The following HSD17B11 variants were observed in gnomAD, a reference collection of about 807,000 sequenced individuals.
The protein encoded by HSD17B11 is hydroxysteroid 17-beta dehydrogenase 11, also known as estradiol 17-beta-dehydrogenase 11.
Under a neutral mutation model 27.8 loss-of-function variants are expected in HSD17B11, and 22 were observed. The observed-to-expected ratio is 0.79, with a 90% CI of 0.56 to 1.13. The LOEUF (loss-of-function observed/expected upper bound fraction) is 1.13, where lower values mean the gene tolerates loss of function less well. Among genes scored for constraint, HSD17B11 ranks in the 50% most tolerant of loss-of-function variants. The probability of loss-of-function intolerance (pLI) is 0.00; values close to 1 mark genes in which losing one functional copy is unlikely to be tolerated. For synonymous variants in HSD17B11, 117 were observed against 132.8 expected (o/e 0.88, Z 0.82); for missense variants, 314 against 351.1 (o/e 0.89, Z 0.84).
chr4:87,366,882 A>G (rs1735621655), intron 4 of HSD17B11, among the ~76,000 whole-genome samples: 1 of 152,246 alleles, frequency 6.6e-6, no homozygotes, highest in Admixed American at 6.5e-5. Context: ...AATAACAAGT[A>G]GAACAGGAGT....
At chr4:87,381,514 T>C (rs1242183284) in intron 2 of HSD17B11, among the ~76,000 whole-genome samples, 3 of 152,152 alleles carry the variant, frequency 2.0e-5, no homozygotes, top group Admixed American at 2.0e-4. Flanking sequence ...TCCCAGGACT[T>C]TGGGAGGCTG....
At chr4:87,385,114 G>A (rs997183195) in intron 1 of HSD17B11, among the ~76,000 whole-genome samples, 1 of 152,050 alleles carries the variant, frequency 6.6e-6, no homozygotes, top group South Asian at 2.1e-4. Context: ...CTCTCATGAG[G>A]AACTCTTATT....
chr4:87,388,132 A>T (rs1270419544), intron 1 of HSD17B11, among the ~76,000 whole-genome samples: 1 of 149,264 alleles, frequency 6.7e-6, no homozygotes, highest in Non-Finnish European at 1.5e-5. Flanking sequence ...AACGCAAGCC[A>T]TGTATATAAT....
intron 6 of HSD17B11, among the ~76,000 whole-genome samples, 200 bp from the exon 7 acceptor site, chr4:87,337,566 C>T (rs1268142889): frequency 6.6e-6 from 1 of 152,078 alleles, no homozygotes; most frequent in Non-Finnish European, 1.5e-5. Context: ...AAGGCTTAGC[C>T]TTCTTTACAG....
chr4:87,343,038 T>G (rs1456548383), intron 5 of HSD17B11, among the ~76,000 whole-genome samples: 1 of 152,202 alleles, frequency 6.6e-6, no homozygotes, highest in Non-Finnish European at 1.5e-5. Context: ...TGAAAGCTTA[T>G]AGACACCTGT....
intron 6 of HSD17B11, among the ~76,000 whole-genome samples, chr4:87,337,881 T>C (rs1211275922): frequency 6.6e-6 from 1 of 152,222 alleles, no homozygotes; most frequent in East Asian, 1.9e-4. Flanking sequence ...TTAACATCTA[T>C]CCCTCAGTGT....
chr4:87,342,494 C>G (rs528100371), intron 5 of HSD17B11, among the ~76,000 whole-genome samples: 1 of 151,742 alleles, frequency 6.6e-6, no homozygotes, highest in African/African-American at 2.4e-5. Flanking sequence ...ATCACTTGAG[C>G]CCAGGAGTTG....
intron 2 of HSD17B11, among the ~76,000 whole-genome samples, chr4:87,375,311 G>T (rs1370311582): frequency 2.0e-5 from 3 of 152,218 alleles, no homozygotes; most frequent in Non-Finnish European, 4.4e-5. Flanking sequence ...GTCCAAAATA[G>T]ATCTATCTTC....
intron 4 of HSD17B11, among the ~76,000 whole-genome samples, chr4:87,370,608 A>G (rs10213098): frequency 0.35 from 53,272 of 150,660 alleles, 10,334 homozygotes; most frequent in African/African-American, 0.53. Flanking sequence ...TAGTAGAGAC[A>G]GGGTTTCACC....
intron 2 of HSD17B11, among the ~76,000 whole-genome samples, chr4:87,378,831 A>AATATATATAT (rs370260155): frequency 4.6e-5 from 1 of 21,924 alleles, no homozygotes; most frequent in Non-Finnish European, 9.6e-5. Context: ...TATATATATA[A>AATATATATAT]ATATATATAT....
intron 5 of HSD17B11, among the ~76,000 whole-genome samples, chr4:87,343,364 T>C (rs993490982): frequency 6.6e-6 from 1 of 152,144 alleles, no homozygotes; most frequent in Non-Finnish European, 1.5e-5. Flanking sequence ...CAAATGTTCT[T>C]AATGGATTTT....
rs562585286 is a variant in HSD17B11, at chr4:87,343,700, A to G, written c.696-3094T>C. 2.6e-5 allele frequency among the ~76,000 whole-genome samples: 4 copies of G among 152,190 alleles called. No individual in the cohort carries two copies. The East Asian group carries it at 7.7e-4, about 29-fold the overall frequency. On this transcript the variant is annotated intron_variant, in intron 5 of 6. Transcript: ENST00000358290. The stretch of plus-strand genomic sequence containing the variant: ...GTAGCTGGGATTACAGGCATGTGCC[A>G]CCACGCCTGGCTAATTTTTGTATTT...
intron 4 of HSD17B11, among the ~76,000 whole-genome samples, chr4:87,361,384 A>G (rs1266427233): frequency 6.6e-6 from 1 of 152,172 alleles, no homozygotes; most frequent in African/African-American, 2.4e-5. Flanking sequence ...GCATATTATC[A>G]AAAAATAATC....
chr4:87,377,547 T>A (rs1313624999), intron 2 of HSD17B11, among the ~76,000 whole-genome samples: 1 of 152,158 alleles, frequency 6.6e-6, no homozygotes, highest in East Asian at 1.9e-4. Flanking sequence ...ATATAATCAA[T>A]AACTATCTCT....
chr4:87,367,323 C>T (rs1233890761), intron 4 of HSD17B11, among the ~76,000 whole-genome samples: 1 of 152,084 alleles, frequency 6.6e-6, no homozygotes, highest in Non-Finnish European at 1.5e-5. Context: ...GGTTTCTGAC[C>T]TATGGTAAGT....
intron 1 of HSD17B11, among the ~76,000 whole-genome samples, chr4:87,389,773 C>T (rs893864981): frequency 2.6e-4 from 39 of 152,158 alleles, no homozygotes; most frequent in Non-Finnish European, 8.8e-5. Flanking sequence ...CTTCTAGAAA[C>T]CCCTTTGTTC....
At chr4:87,373,568 G>A (rs922372789) in intron 3 of HSD17B11, among the ~76,000 whole-genome samples, 2 of 151,920 alleles carry the variant, frequency 1.3e-5, no homozygotes, top group African/African-American at 4.8e-5. Flanking sequence ...AAACTTGCTG[G>A]GCATGGTGGT....
At chr4:87,370,439 C>G (rs746396541) in intron 4 of HSD17B11, among the ~76,000 whole-genome samples, 6 of 151,760 alleles carry the variant, frequency 4.0e-5, no homozygotes, top group Non-Finnish European at 8.8e-5. Flanking sequence ...TTTTTTGAGA[C>G]GAAGTCTCTC....
intron 2 of HSD17B11, among the ~76,000 whole-genome samples, chr4:87,378,855 T>A (rs60434999): frequency 0.067 from 2,754 of 40,950 alleles, 213 homozygotes; most frequent in East Asian, 0.17. Context: ...AATATATATA[T>A]AAATATATAT....
Sources: allele counts gnomAD v4.1 joint callset (sites outside exome capture counted in the v4.1 genomes callset), GRCh38; gene constraint gnomAD v4.1.1; transcripts MANE v1.5; gene names NCBI Gene and HGNC (gene_info 2026-07-23, HGNC 2026-07-21).